Variants in PLCG2 observed in about 807,000 individuals in gnomAD.
The protein encoded by PLCG2 is phospholipase C gamma 2.
A neutral mutation model predicts 175.6 loss-of-function variants in PLCG2; 69 were observed. The observed-to-expected ratio is 0.39, with a 90% CI of 0.32 to 0.48. PLCG2 has a LOEUF of 0.48. Ranked by LOEUF, PLCG2 falls within the 20% of genes least tolerant of loss-of-function variation. The pLI is 0.91. For missense variants in PLCG2, 1,798 were observed against 1,650.9 expected, an observed-to-expected ratio of 1.09 and a Z score of -1.54; for synonymous variants, 827 against 624.0, an observed-to-expected ratio of 1.33 and a Z score of -4.85.
rs561254268 is a variant in PLCG2, at chr16:81,911,632, A to C, written c.1934+912A>C. Among the ~76,000 whole-genome samples, 6 of 143,694 alleles carry C rather than the reference A, an allele frequency of 4.2e-5. No homozygotes were observed. In the East Asian group the frequency reaches 1.2e-3, roughly 29 times the overall value. 94.3% of individuals were successfully genotyped at this position (143,694 alleles called of 152,430 possible). ...AATTAATTAATTAATTAATTTTGAG[A>C]CCGGGTCTCGCTCTGTCTCCCAGGC... On this transcript the variant is annotated intron_variant, in intron 18 of 32. Coordinates refer to ENST00000564138, the MANE Select transcript of PLCG2 (RefSeq NM_002661.5).
At chr16:81,883,133 C>T (rs1382892543) in intron 8 of PLCG2, 136 bp from the exon 9 acceptor site, 2 of 701,232 alleles carry the variant, frequency 2.9e-6, no homozygotes, top group Non-Finnish European at 2.6e-6. Flanking sequence ...TTCCTGTTGG[C>T]CAACCTGGTA....
chr16:81,862,387 C>G (rs1277455366), intron 5 of PLCG2, among the ~76,000 whole-genome samples: 1 of 152,162 alleles, frequency 6.6e-6, no homozygotes, highest in Non-Finnish European at 1.5e-5. Context: ...ACTTTACATC[C>G]TTAGGATATG....
At chr16:81,927,214 G>C in intron 23 of PLCG2, 36 bp downstream of exon 23, 2 of 1,384,610 alleles carry the variant, frequency 1.4e-6, no homozygotes, top group Non-Finnish European at 1.0e-6. Flanking sequence ...ACAGGAAGAA[G>C]GGATCTGCAG....
At chr16:81,777,773 T>C (rs1305298124), upstream of PLCG2, among the ~76,000 whole-genome samples, 1 of 151,928 alleles carries the variant, frequency 6.6e-6, no homozygotes, top group Non-Finnish European at 1.5e-5. Flanking sequence ...CCCAGCACTT[T>C]GGGAGGCCAA....
chr16:81,866,829 G>A (rs1907263621), intron 5 of PLCG2, among the ~76,000 whole-genome samples: 1 of 152,252 alleles, frequency 6.6e-6, no homozygotes, highest in Non-Finnish European at 1.5e-5. Context: ...CGCTCTGGTA[G>A]CGCCTGTTCC....
chr16:81,776,079 C>CTTGT (rs1555505205), upstream of PLCG2, among the ~76,000 whole-genome samples: 2 of 18,406 alleles, frequency 1.1e-4, no homozygotes, highest in Admixed American at 6.7e-4. Context: ...TTCTTTCTCT[C>CTTGT]TCTCTCTCTC....
At chr16:81,792,480 C>CAAAAAAAAAAAAAAAAAAAAAAAAA (rs532680550) in intron 2 of PLCG2, among the ~76,000 whole-genome samples, 67 of 70,154 alleles carry the variant, frequency 9.6e-4, no homozygotes, top group Non-Finnish European at 1.2e-3. Flanking sequence ...GGCTCTGTCT[C>CAAAAAAAAAAAAAAAAAAAAAAAAA]AAAAAAAAAA....
chr16:81,863,455 G>A (rs1907081293), intron 5 of PLCG2, among the ~76,000 whole-genome samples: 1 of 152,198 alleles, frequency 6.6e-6, no homozygotes, highest in African/African-American at 2.4e-5. Context: ...CTCCATCGAT[G>A]GACACTTGAG....
chr16:81,816,546 C>T (rs2143315990), intron 2 of PLCG2, among the ~76,000 whole-genome samples: 1 of 150,990 alleles, frequency 6.6e-6, no homozygotes, highest in South Asian at 2.1e-4. Context: ...GGTGCAATCA[C>T]AGCTCAACTA....
chr16:81,851,972 C>T (rs931694387), intron 2 of PLCG2: 2 of 151,278 alleles, frequency 1.3e-5, no homozygotes, highest in African/African-American at 4.9e-5. Flanking sequence ...GGCCACGAAC[C>T]TCTCCTGTGT....
chr16:81,839,377 T>G (rs947785006), intron 2 of PLCG2, among the ~76,000 whole-genome samples: 3 of 152,106 alleles, frequency 2.0e-5, no homozygotes, highest in Admixed American at 1.3e-4. Flanking sequence ...CTCTATATAG[T>G]CTTTGTATAA....
At chr16:81,916,484 G>GTTGT (rs1567531476) in intron 19 of PLCG2, among the ~76,000 whole-genome samples, 2 of 151,990 alleles carry the variant, frequency 1.3e-5, no homozygotes, top group African/African-American at 4.8e-5. Flanking sequence ...ACAAATAAAA[G>GTTGT]TTGTTTATAT....
At chr16:81,804,689 G>A (rs1241542569) in intron 2 of PLCG2, among the ~76,000 whole-genome samples, 2 of 152,150 alleles carry the variant, frequency 1.3e-5, no homozygotes, top group African/African-American at 4.8e-5. Flanking sequence ...TCAGCCCAGG[G>A]AGTGTATATT....
At chr16:81,829,354 C>T (rs62044137) in intron 2 of PLCG2, among the ~76,000 whole-genome samples, 16,934 of 152,156 alleles carry the variant, frequency 0.11, 1,024 homozygotes, top group South Asian at 0.16. Context: ...GGTGATCTGC[C>T]CGCCTCGGCC....
chr16:81,889,477 T>G (rs1192278519), intron 10 of PLCG2: 2 of 492,760 alleles, frequency 4.1e-6, no homozygotes, highest in Non-Finnish European at 7.3e-6. Flanking sequence ...AACTGCCCAG[T>G]GGGTTCATTT....
chr16:81,799,391 A>C (rs1178672708), intron 2 of PLCG2, among the ~76,000 whole-genome samples: 2 of 152,156 alleles, frequency 1.3e-5, no homozygotes, highest in Non-Finnish European at 2.9e-5. Flanking sequence ...CTTTGTGACC[A>C]TGTTAGTATT....
chr16:81,941,389 G>C (rs1910932812), intron 30 of PLCG2, among the ~76,000 whole-genome samples: 1 of 152,174 alleles, frequency 6.6e-6, no homozygotes, highest in Non-Finnish European at 1.5e-5. Flanking sequence ...TGATGAGTCA[G>C]CCCAGGGTGG....
chr16:81,749,692 A>C (rs1426436343), intron 1 of PLCG2, among the ~76,000 whole-genome samples: 1 of 152,186 alleles, frequency 6.6e-6, no homozygotes, highest in East Asian at 1.9e-4. Context: ...GAGTGTTACC[A>C]ATTCAAGCAA....
At chr16:81,871,585 G>A (rs912461459) in intron 7 of PLCG2, among the ~76,000 whole-genome samples, 23 of 152,168 alleles carry the variant, frequency 1.5e-4, no homozygotes, top group Non-Finnish European at 2.5e-4. Flanking sequence ...TGATCGGCCC[G>A]CCTCCACTTC....
Sources: allele counts gnomAD v4.1 joint callset (sites outside exome capture counted in the v4.1 genomes callset), GRCh38; gene constraint gnomAD v4.1.1; transcripts MANE v1.5; gene names NCBI Gene and HGNC (gene_info 2026-07-23, HGNC 2026-07-21).